Variants in PIK3CB observed in about 807,000 individuals in gnomAD.
PIK3CB encodes the protein phosphatidylinositol-4,5-bisphosphate 3-kinase catalytic subunit beta, also known as phosphatidylinositol 4,5-bisphosphate 3-kinase catalytic subunit beta isoform.
PIK3CB carries 39 observed loss-of-function variants against 136.8 expected under a neutral mutation model. That is an observed-to-expected ratio of 0.29 (90% CI 0.22 to 0.37). The LOEUF (loss-of-function observed/expected upper bound fraction) is 0.37, where lower values mean the gene tolerates loss of function less well. Ranked by LOEUF, PIK3CB falls within the 10% of genes least tolerant of loss-of-function variation. The probability of loss-of-function intolerance (pLI) is 1.00; values close to 1 mark genes in which losing one functional copy is unlikely to be tolerated. For missense variants in PIK3CB, 868 were observed against 1,275.4 expected, an observed-to-expected ratio of 0.68 and a Z score of 4.87; for synonymous variants, 428 against 436.6, an observed-to-expected ratio of 0.98 and a Z score of 0.25.
At chr3:138,826,339 C>G in intron 1 of PIK3CB, 3 of 1,595,670 alleles carry the variant, frequency 1.9e-6, no homozygotes, top group South Asian at 1.1e-5. Flanking sequence ...AATATTATCC[C>G]TAATACCTGC....
chr3:138,701,213 T>TAAAAAAAAAAAAAA (rs563918379), intron 12 of PIK3CB, among the ~76,000 whole-genome samples: 1 of 135,852 alleles, frequency 7.4e-6, no homozygotes, highest in Non-Finnish European at 1.6e-5. Context: ...CATTAAAGAT[T>TAAAAAAAAAAAAAA]AAAAAAAAAA....
At chr3:138,691,641 A>C (rs1384830002) in intron 14 of PIK3CB, among the ~76,000 whole-genome samples, 1 of 152,080 alleles carries the variant, frequency 6.6e-6, no homozygotes, top group South Asian at 2.1e-4. Flanking sequence ...CTTCTACCAT[A>C]ATTTTAAGTT....
At chr3:138,685,396 C>CAAAAAAAA (rs398052626) in intron 16 of PIK3CB, among the ~76,000 whole-genome samples, 496 of 58,130 alleles carry the variant, frequency 8.5e-3, no homozygotes, top group African/African-American at 0.011. Context: ...GAAACTGTCT[C>CAAAAAAAA]AAAAAAAAAA....
At chr3:138,675,440 C>T (rs2043624704) in intron 19 of PIK3CB, among the ~76,000 whole-genome samples, 1 of 151,840 alleles carries the variant, frequency 6.6e-6, no homozygotes, top group African/African-American at 2.4e-5. Flanking sequence ...TTATGAAAAA[C>T]AATAATATAT....
chr3:138,726,114 G>A (rs1366792278), intron 8 of PIK3CB, among the ~76,000 whole-genome samples: 1 of 152,172 alleles, frequency 6.6e-6, no homozygotes, highest in African/African-American at 2.4e-5. Flanking sequence ...TCCCATGTGT[G>A]CACTACACAT....
intron 4 of PIK3CB, among the ~76,000 whole-genome samples, chr3:138,746,934 C>T (rs895564619): frequency 6.7e-5 from 10 of 149,636 alleles, no homozygotes; most frequent in African/African-American, 9.8e-5. Flanking sequence ...ATAGCTGCGG[C>T]GACAGTTTCA....
chr3:138,710,142 T>C (rs1370534847), intron 10 of PIK3CB, among the ~76,000 whole-genome samples: 1 of 151,640 alleles, frequency 6.6e-6, no homozygotes, highest in East Asian at 1.9e-4. Context: ...TGTGTTCAAG[T>C]CACTACACTC....
At chr3:138,722,860 T>C (rs1467729857) in intron 8 of PIK3CB, among the ~76,000 whole-genome samples, 4 of 152,062 alleles carry the variant, frequency 2.6e-5, no homozygotes, top group African/African-American at 9.7e-5. Context: ...ACCCTGAACA[T>C]TCTGAAAAAA....
chr3:138,755,642 G>T, intron 4 of PIK3CB, 112 bp downstream of exon 4: 1 of 572,288 alleles, frequency 1.7e-6, no homozygotes, highest in Non-Finnish European at 3.0e-6. Flanking sequence ...TTACAGATCA[G>T]CAGTGGTCCA....
intron 5 of PIK3CB, among the ~76,000 whole-genome samples, chr3:138,739,167 C>T (rs951776018): frequency 6.6e-6 from 1 of 152,078 alleles, no homozygotes; most frequent in Non-Finnish European, 1.5e-5. Context: ...CCCCAGAGGC[C>T]GTGCACGCTG....
At chr3:138,691,257 A>G (rs2044001879) in intron 14 of PIK3CB, 114 bp from the exon 15 acceptor site, 1 of 941,002 alleles carries the variant, frequency 1.1e-6, no homozygotes, top group Non-Finnish European at 1.6e-6. Context: ...CTTTTGGGCC[A>G]GGCTTGTTAC....
intron 8 of PIK3CB, among the ~76,000 whole-genome samples, chr3:138,729,790 T>TA (rs754820135): frequency 1.7e-4 from 26 of 152,198 alleles, no homozygotes; most frequent in Non-Finnish European, 3.4e-4. Context: ...TTTCTTATAA[T>TA]AAATCTTCTA....
chr3:138,794,162 T>C (rs1411423433), intron 2 of PIK3CB, among the ~76,000 whole-genome samples: 3 of 152,054 alleles, frequency 2.0e-5, no homozygotes, highest in Non-Finnish European at 4.4e-5. Flanking sequence ...TCAAGTTTCA[T>C]CATGTTGGCC....
At chr3:138,810,881 C>G (rs1576426746) in intron 1 of PIK3CB, among the ~76,000 whole-genome samples, 1 of 151,702 alleles carries the variant, frequency 6.6e-6, no homozygotes, top group East Asian at 2.0e-4. Flanking sequence ...GATCGTGCCA[C>G]TGCACTCCAG....
chr3:138,672,864 A>G (rs1459377938), intron 19 of PIK3CB, among the ~76,000 whole-genome samples: 3 of 148,126 alleles, frequency 2.0e-5, no homozygotes, highest in African/African-American at 7.4e-5. Flanking sequence ...GTTAGCCAAG[A>G]TCGTGCCACT....
At chr3:138,833,064 A>C (rs1041696549) in intron 1 of PIK3CB, among the ~76,000 whole-genome samples, 3 of 150,850 alleles carry the variant, frequency 2.0e-5, no homozygotes, top group African/African-American at 7.3e-5. Flanking sequence ...GGTCTCAAAA[A>C]GATTTTTTTT....
chr3:138,824,180 T>C (rs1249701524), intron 1 of PIK3CB, among the ~76,000 whole-genome samples: 2 of 152,210 alleles, frequency 1.3e-5, no homozygotes, highest in African/African-American at 2.4e-5. Context: ...GGATTACCCA[T>C]GGATTTAGTT....
intron 1 of PIK3CB, among the ~76,000 whole-genome samples, chr3:138,799,836 C>T (rs1017257664): frequency 6.6e-6 from 1 of 151,916 alleles, no homozygotes; most frequent in African/African-American, 2.4e-5. Context: ...TGCCACCACG[C>T]CTGCCTAATT....
Position 138,653,021 on chromosome 3 carries a change from C to T in PIK3CB, c.*2368G>A, listed in dbSNP as rs1018341125. ...GAAACTTACAATAAAGTCACTTACC[C>T]AGGAATCTAACAAACGATGCATAAT... On this transcript the variant is annotated 3_prime_UTR_variant, in exon 24 of 24. Transcript: ENST00000674063. 1.4e-5 allele frequency: 3 copies of T among 209,006 alleles called. No individual in the cohort carries two copies. The highest frequency in any genetic ancestry group is 2.9e-5 in the Non-Finnish European group (3 of 102,978). 12.9% of individuals were successfully genotyped at this position (209,006 alleles called of 1,614,324 possible). A position where few individuals can be genotyped will look rare whatever the true frequency, so the allele number is the denominator to read the frequency against.
Sources: gnomAD v4.1 joint callset for allele counts (sites outside exome capture counted in the v4.1 genomes callset) on GRCh38, gnomAD v4.1.1 for gene constraint, MANE v1.5 for transcripts, NCBI Gene and HGNC (gene_info 2026-07-23, HGNC 2026-07-21) for gene names.